RIC1: variants seen among roughly 807,000 people sequenced by gnomAD.
The protein encoded by RIC1 is RIC1 partner of RAB6A GEF complex, also known as guanine nucleotide exchange factor subunit RIC1.
RIC1 carries 88 observed loss-of-function variants against 169.0 expected under a neutral mutation model. The ratio of observed to expected loss-of-function variants is 0.52; its 90% CI spans 0.44 to 0.62. The LOEUF is 0.62. Ranked by LOEUF, RIC1 falls within the 20% of genes least tolerant of loss-of-function variation. RIC1 has a pLI of 0.00. For synonymous variants in RIC1, 790 were observed against 601.5 expected, an observed-to-expected ratio of 1.31 and a Z score of -4.59; for missense variants, 1,877 against 1,725.5, an observed-to-expected ratio of 1.09 and a Z score of -1.56.
chr9:5,701,007 G>C (rs1469293067), intron 3 of RIC1, among the ~76,000 whole-genome samples: 2 of 152,060 alleles, frequency 1.3e-5, no homozygotes, highest in Non-Finnish European at 2.9e-5. Flanking sequence ...GAATCGTATG[G>C]TCAAAGTCTG....
At chr9:5,668,820 T>G (rs1167133133) in intron 2 of RIC1, among the ~76,000 whole-genome samples, 1 of 152,186 alleles carries the variant, frequency 6.6e-6, no homozygotes, top group African/African-American at 2.4e-5. Flanking sequence ...CATGGTCTCC[T>G]TTAGCTCATT....
chr9:5,689,087 C>T (rs1249016821), intron 2 of RIC1, among the ~76,000 whole-genome samples: 10 of 112,404 alleles, frequency 8.9e-5, no homozygotes, highest in South Asian at 8.7e-4. Context: ...CTCGCTCTGT[C>T]GCCCAGCGGG....
intron 10 of RIC1, among the ~76,000 whole-genome samples, chr9:5,745,268 C>G (rs1825311108): frequency 2.6e-5 from 4 of 152,142 alleles, no homozygotes; most frequent in Non-Finnish European, 1.5e-5. Context: ...TGGGCTACCC[C>G]TGCCCCTTCA....
At chr9:5,639,473 GT>G (rs979863132) in intron 1 of RIC1, among the ~76,000 whole-genome samples, 2 of 152,114 alleles carry the variant, frequency 1.3e-5, no homozygotes, top group African/African-American at 4.8e-5. Flanking sequence ...TATTATTTCA[GT>G]TTTTTTGAAT....
intron 3 of RIC1, among the ~76,000 whole-genome samples, chr9:5,710,637 T>C (rs1259012737): frequency 6.6e-6 from 1 of 152,162 alleles, no homozygotes; most frequent in East Asian, 1.9e-4. Context: ...GTTTCCAGTG[T>C]AACTTAGAAA....
intron 2 of RIC1, among the ~76,000 whole-genome samples, chr9:5,681,668 G>C (rs1490221463): frequency 6.6e-6 from 1 of 152,174 alleles, no homozygotes; most frequent in African/African-American, 2.4e-5. Flanking sequence ...TCTGCTTGGT[G>C]CAGTGCTGAG....
chr9:5,656,816 G>T (rs1020642168), intron 2 of RIC1, 126 bp downstream of exon 2: 1 of 576,066 alleles, frequency 1.7e-6, no homozygotes, highest in Non-Finnish European at 3.1e-6. Flanking sequence ...ATTCTGATAG[G>T]AATTGCTTTA....
chr9:5,655,503 A>G (rs1404857678), intron 1 of RIC1, among the ~76,000 whole-genome samples: 1 of 151,698 alleles, frequency 6.6e-6, no homozygotes, highest in East Asian at 1.9e-4. Flanking sequence ...GTTTCACCAT[A>G]TTGGCCAGGC....
At chr9:5,658,775 A>T (rs55764598) in intron 2 of RIC1, among the ~76,000 whole-genome samples, 1 of 151,764 alleles carries the variant, frequency 6.6e-6, no homozygotes, top group Non-Finnish European at 1.5e-5. Context: ...GCCCTCCTCC[A>T]CAGCTGTTAT....
chr9:5,678,427 A>C (rs1247073515), intron 2 of RIC1, among the ~76,000 whole-genome samples: 1 of 151,932 alleles, frequency 6.6e-6, no homozygotes, highest in African/African-American at 2.4e-5. Context: ...CGCCACACTG[A>C]CTTCCACAAT....
chr9:5,696,996 G>C (rs992431045), intron 3 of RIC1, among the ~76,000 whole-genome samples: 4 of 152,170 alleles, frequency 2.6e-5, no homozygotes, highest in Non-Finnish European at 4.4e-5. Context: ...CTCCATTCTG[G>C]CTAGTCAGAA....
chr9:5,700,589 C>T (rs576539799), intron 3 of RIC1, among the ~76,000 whole-genome samples: 1 of 151,256 alleles, frequency 6.6e-6, no homozygotes, highest in African/African-American at 2.4e-5. Context: ...TATAAATATG[C>T]CTTATAAATA....
chr9:5,752,608 G>A (rs1005238335), intron 12 of RIC1, among the ~76,000 whole-genome samples: 20 of 151,844 alleles, frequency 1.3e-4, no homozygotes, highest in African/African-American at 3.9e-4. Context: ...GCACGGTTTC[G>A]TATTTTTAAT....
Position 5,775,549 on chromosome 9 carries a change from C to G in RIC1, c.*1303C>G, listed in dbSNP as rs991676340. On this transcript the variant is annotated 3_prime_UTR_variant, in exon 26 of 26. Transcript: ENST00000414202. ...ATAATAACGATGTATTTGATGTGGA[C>G]CAAATTCGTACCACTATCTAAAATA... The G allele has an allele frequency of 3.3e-5, 5 of 152,082 alleles. No individual in the cohort carries two copies. Among genetic ancestry groups the G allele is most frequent in the African/African-American group, 7.2e-5 (3 of 41,408 alleles). The allele number at this position is 152,082 out of a possible 1,614,324, so 9.4% of individuals were successfully genotyped here. A position where few individuals can be genotyped will look rare whatever the true frequency, so the allele number is the denominator to read the frequency against.
intron 1 of RIC1, among the ~76,000 whole-genome samples, chr9:5,655,446 G>A (rs976867741): frequency 6.6e-6 from 1 of 151,914 alleles, no homozygotes; most frequent in Non-Finnish European, 1.5e-5. Flanking sequence ...CATTATAGGC[G>A]CCTGCCACCA....
chr9:5,646,734 G>C (rs1176719383), intron 1 of RIC1, among the ~76,000 whole-genome samples: 1 of 152,114 alleles, frequency 6.6e-6, no homozygotes, highest in Non-Finnish European at 1.5e-5. Flanking sequence ...AGTGACACGT[G>C]ACTGTATTTT....
rs372765329 is a variant in RIC1, at chr9:5,713,988, A to G, written c.425A>G (p.Gln142Arg). ...GAGATGAGGAAAATACTGGATTTAC[A>G]AGCACCCATCATGAGGTACAGTACT... The part of the protein sequence containing the change: ...NLEMRKILDL[Q>R]APIMSLQSVL... Residue 142 changes from glutamine to arginine, a missense_variant, in exon 4 of 26, where the codon CAA becomes CGA. This residue lies in a region of RIC1 where 1,104 missense variants were observed against 992.0 expected (regional missense o/e 1.11). Coordinates refer to ENST00000414202, the MANE Select transcript of RIC1 (RefSeq NM_020829.4). 5.0e-6 allele frequency: 8 copies of G among 1,610,274 alleles called. No homozygotes were observed. In the African/African-American group the frequency reaches 9.4e-5, roughly 19 times the overall value.
At chr9:5,683,774 T>G (rs1040541070) in intron 2 of RIC1, among the ~76,000 whole-genome samples, 25 of 152,206 alleles carry the variant, frequency 1.6e-4, no homozygotes, top group African/African-American at 5.8e-4. Context: ...CGGGCCTCCT[T>G]GAGCTGTGGT....
chr9:5,725,692 A>G (rs936518325), intron 6 of RIC1, among the ~76,000 whole-genome samples: 1 of 151,966 alleles, frequency 6.6e-6, no homozygotes, highest in Non-Finnish European at 1.5e-5. Context: ...TGTTGTGGGC[A>G]TTTAATCCTA....
Sources: gnomAD v4.1 joint callset for allele counts (sites outside exome capture counted in the v4.1 genomes callset) on GRCh38, gnomAD v4.1.1 for gene constraint, gnomAD v4.1.1 regional missense constraint, MANE v1.5 for transcripts, NCBI Gene and HGNC (gene_info 2026-07-23, HGNC 2026-07-21) for gene names.